Variants in C6 observed in about 807,000 individuals in gnomAD.
C6 encodes the protein complement component C6.
A neutral mutation model predicts 112.9 loss-of-function variants in C6; 101 were observed. That is an observed-to-expected ratio of 0.89 (90% CI 0.76 to 1.06). The LOEUF (loss-of-function observed/expected upper bound fraction) is 1.06. Among genes scored for constraint, C6 ranks in the 50% least tolerant of loss-of-function variants. The pLI, the probability that C6 is intolerant of heterozygous loss-of-function variation, is 0.00. For synonymous variants in C6, 431 were observed against 384.1 expected (o/e 1.12, Z -1.43); for missense variants, 1,202 against 1,104.6 (o/e 1.09, Z -1.25).
intron 7 of C6, among the ~76,000 whole-genome samples, chr5:41,177,021 A>G (rs1404738722): frequency 1.3e-5 from 2 of 152,230 alleles, no homozygotes; most frequent in Non-Finnish European, 2.9e-5. Context: ...ATTGCCAATC[A>G]TGGCTGCATT....
At chr5:41,254,427 A>G (rs927408297) in intron 1 of C6, among the ~76,000 whole-genome samples, 1 of 152,128 alleles carries the variant, frequency 6.6e-6, no homozygotes, top group East Asian at 1.9e-4. Flanking sequence ...GAGAAAGAAT[A>G]GTTTTATAAT....
upstream of C6, among the ~76,000 whole-genome samples, chr5:41,214,401 CCACCACT>C (rs755463466): frequency 2.0e-5 from 3 of 152,100 alleles, no homozygotes; most frequent in Non-Finnish European, 4.4e-5. Context: ...AGCTGGGAAC[CCACCACT>C]CAAAGGTCAC....
chr5:41,170,467 C>T (rs1748333463), intron 9 of C6, among the ~76,000 whole-genome samples: 1 of 151,716 alleles, frequency 6.6e-6, no homozygotes, highest in Non-Finnish European at 1.5e-5. Context: ...AACTCATATT[C>T]TTATTAAATT....
rs183292064 is a variant in C6 at position 41,241,618 on chromosome 5, T to C, written c.-21+19576A>G. Among the ~76,000 whole-genome samples, 269 of 152,196 alleles carry C rather than the reference T, an allele frequency of 1.8e-3. 1 individual carries two copies. Among genetic ancestry groups the C allele is most frequent in the Non-Finnish European group, 1.2e-3 (83 of 68,010 alleles). On this transcript the variant is annotated intron_variant, in intron 1 of 17. Coordinates refer to the C6 transcript ENST00000263413. Reference sequence around the variant, plus strand: ...AAAGGATATGGGGTAATATTTCAAATTTCATAAAGCCTACTTGTGGTTTCC... The same window carrying C: ...AAAGGATATGGGGTAATATTTCAAACTTCATAAAGCCTACTTGTGGTTTCC...
At chr5:41,245,327 A>G (rs1349824444) in intron 1 of C6, among the ~76,000 whole-genome samples, 1 of 152,102 alleles carries the variant, frequency 6.6e-6, no homozygotes, top group African/African-American at 2.4e-5. Flanking sequence ...GTCAGGAGTT[A>G]GTGACTAGCC....
At chr5:41,229,432 A>T (rs1739742546) in intron 1 of C6, among the ~76,000 whole-genome samples, 1 of 150,356 alleles carries the variant, frequency 6.7e-6, no homozygotes, top group African/African-American at 2.4e-5. Context: ...TTCTTCTTTG[A>T]CCTGTCAGTT....
chr5:41,198,507 G>T (rs551217803), intron 4 of C6, among the ~76,000 whole-genome samples: 2 of 152,088 alleles, frequency 1.3e-5, no homozygotes, highest in Non-Finnish European at 2.9e-5. Context: ...GCAGGGCATG[G>T]GTTACTCAGG....
At chr5:41,249,624 C>T (rs1476200346) in intron 1 of C6, among the ~76,000 whole-genome samples, 1 of 152,170 alleles carries the variant, frequency 6.6e-6, no homozygotes, top group Non-Finnish European at 1.5e-5. Context: ...TGAATATTGG[C>T]TAAATTGTTT....
rs138874564 is a variant in C6 at position 41,166,059 on chromosome 5, A to G, written c.1292-4200T>C. Among the ~76,000 whole-genome samples, 99 of 152,230 alleles carry G rather than the reference A, an allele frequency of 6.5e-4. 2 individuals are homozygous for G. The highest frequency in any genetic ancestry group is 2.2e-3 in the African/African-American group (93 of 41,556). The stretch of plus-strand genomic sequence containing the variant: ...TTAGGGGAAAACTGCATAGTATATC[A>G]GCTTCTTAAAAAACTACAATGTTCT... On this transcript the variant is annotated intron_variant, in intron 9 of 17. Transcript: ENST00000337836.
chr5:41,181,325 G>T (rs767464368), intron 7 of C6, 34 bp downstream of exon 7: 1 of 1,579,020 alleles, frequency 6.3e-7, no homozygotes, highest in Non-Finnish European at 8.7e-7. Context: ...TAATTTTCAA[G>T]AAAGAATAAA....
chr5:41,253,977 G>T (rs1012096287), intron 1 of C6, among the ~76,000 whole-genome samples: 9 of 152,152 alleles, frequency 5.9e-5, no homozygotes, highest in South Asian at 2.1e-4. Context: ...AACCTTAAAA[G>T]TTGCAAATAT....
chr5:41,172,558 G>C, intron 8 of C6: 1 of 602,400 alleles, frequency 1.7e-6, no homozygotes, highest in Non-Finnish European at 3.0e-6. Flanking sequence ...CAGGAGTCCC[G>C]TGAGTGCCCA....
At chr5:41,161,314 G>A (rs1253369773) in intron 10 of C6, among the ~76,000 whole-genome samples, 2 of 152,088 alleles carry the variant, frequency 1.3e-5, no homozygotes, top group Non-Finnish European at 1.5e-5. Flanking sequence ...ATCTCACAGA[G>A]CTACAAATGA....
At chr5:41,232,330 C>G (rs1739957842) in intron 1 of C6, among the ~76,000 whole-genome samples, 1 of 152,114 alleles carries the variant, frequency 6.6e-6, no homozygotes, top group Non-Finnish European at 1.5e-5. Flanking sequence ...AAGCTCTGAT[C>G]TGCTGCTCTG....
At chr5:41,209,032 T>G (rs897460619) in intron 1 of C6, among the ~76,000 whole-genome samples, 1 of 152,202 alleles carries the variant, frequency 6.6e-6, no homozygotes, top group Admixed American at 6.5e-5. Flanking sequence ...CACAATCAGG[T>G]TGGCTTCACC....
intron 1 of C6, among the ~76,000 whole-genome samples, chr5:41,245,029 G>A (rs543412808): frequency 1.0e-3 from 154 of 151,942 alleles, no homozygotes; most frequent in Non-Finnish European, 1.7e-3. Flanking sequence ...TTTCCTTTTT[G>A]TGTTTTGCTG....
intron 1 of C6, among the ~76,000 whole-genome samples, chr5:41,229,576 ACT>A (rs1739754305): frequency 6.6e-6 from 1 of 152,042 alleles, no homozygotes; most frequent in South Asian, 2.1e-4. Context: ...ATGTGGTAAG[ACT>A]TTTTTTTGTG....
At chr5:41,210,734 A>T (rs1025385160) in intron 1 of C6, among the ~76,000 whole-genome samples, 5 of 152,148 alleles carry the variant, frequency 3.3e-5, no homozygotes, top group African/African-American at 7.2e-5. Flanking sequence ...AAAGTGAGGA[A>T]ACAACAGGTG....
intron 1 of C6, among the ~76,000 whole-genome samples, chr5:41,230,762 A>G (rs1254532432): frequency 6.6e-6 from 1 of 152,120 alleles, no homozygotes; most frequent in Non-Finnish European, 1.5e-5. Flanking sequence ...GGTCGTCATC[A>G]CAGTCCTACC....
Sources: gnomAD v4.1 joint callset for allele counts (sites outside exome capture counted in the v4.1 genomes callset) on GRCh38, gnomAD v4.1.1 for gene constraint, MANE v1.5 for transcripts, NCBI Gene and HGNC (gene_info 2026-07-23, HGNC 2026-07-21) for gene names.